SRRM4: variants seen among roughly 807,000 people sequenced by gnomAD.
The protein encoded by SRRM4 is serine/arginine repetitive matrix 4, also known as serine/arginine repetitive matrix protein 4.
In SRRM4, 33 loss-of-function variants were observed where a neutral mutation model predicts 68.9. That is an observed-to-expected ratio of 0.48 (90% CI 0.36 to 0.64). The LOEUF (loss-of-function observed/expected upper bound fraction) is 0.64. SRRM4 is among the 30% of genes least tolerant of loss of function. SRRM4 has a pLI of 0.00. For missense variants in SRRM4, 817 were observed against 827.1 expected (o/e 0.99, Z 0.15); for synonymous variants, 318 against 318.8 (o/e 1.00, Z 0.03).
chr12:119,053,849 T>C (rs1006506374), intron 1 of SRRM4, among the ~76,000 whole-genome samples: 40 of 152,226 alleles, frequency 2.6e-4, no homozygotes, highest in African/African-American at 9.4e-4. Flanking sequence ...GAGAATGCAG[T>C]ATCCATCCCC....
intron 8 of SRRM4, among the ~76,000 whole-genome samples, chr12:119,143,211 A>G (rs184643586): frequency 5.3e-5 from 8 of 152,322 alleles, no homozygotes; most frequent in Non-Finnish European, 8.8e-5. Flanking sequence ...CACAGTTCCA[A>G]TGTGTCTGTG....
chr12:119,116,773 A>T, intron 3 of SRRM4, 164 bp from the exon 4 acceptor site: 1 of 559,002 alleles, frequency 1.8e-6, no homozygotes, highest in East Asian at 2.9e-5. Flanking sequence ...GTGAGCAATT[A>T]AAAATTGCTT....
rs1185496603 is a variant in SRRM4 at position 119,160,277 on chromosome 12, G to GTCTCTCTCTCTCTC, written c.*3490_*3491insCTCTCTCTCTCTCT. On this transcript the variant is annotated 3_prime_UTR_variant, in exon 13 of 13. Transcript: ENST00000267260. Reference sequence around the variant, plus strand: ...TCTCTCTCTCTCTGTCTCTCTCTCTGTCTCTCTCTCTGTCTCTCTCTCTCT... The same window carrying GTCTCTCTCTCTCTC: ...TCTCTCTCTCTCTGTCTCTCTCTCTGTCTCTCTCTCTCTCTCTCTCTCTCTGTCTCTCTCTCTCT... The GTCTCTCTCTCTCTC allele has an allele frequency of 7.6e-6, 1 of 131,016 alleles. No individual in the cohort carries two copies. The highest frequency in any genetic ancestry group is 2.9e-5 in the African/African-American group (1 of 34,332). 8.1% of individuals were successfully genotyped at this position (131,016 alleles called of 1,614,324 possible).
chr12:119,113,925 G>A (rs1392287874), intron 2 of SRRM4, among the ~76,000 whole-genome samples: 3 of 152,170 alleles, frequency 2.0e-5, no homozygotes, highest in Non-Finnish European at 4.4e-5. Flanking sequence ...TATTGGGGAG[G>A]GAGGGGGCTG....
At chr12:119,107,887 G>C (rs539625720) in intron 2 of SRRM4, among the ~76,000 whole-genome samples, 2 of 152,090 alleles carry the variant, frequency 1.3e-5, no homozygotes, top group African/African-American at 2.4e-5. Flanking sequence ...TGCTTCTCTA[G>C]TTCTTTTAAT....
intron 1 of SRRM4, among the ~76,000 whole-genome samples, chr12:119,003,321 G>C (rs1953397420): frequency 6.6e-6 from 1 of 151,626 alleles, no homozygotes; most frequent in Non-Finnish European, 1.5e-5. Flanking sequence ...GAATAGCTGT[G>C]AGCCTTCACA....
At chr12:119,123,494 C>G (rs1454383057) in intron 6 of SRRM4, among the ~76,000 whole-genome samples, 3 of 96,666 alleles carry the variant, frequency 3.1e-5, no homozygotes, top group African/African-American at 1.1e-4. Flanking sequence ...ACCTCAACAG[C>G]GCTAGGAAGG....
intron 1 of SRRM4, among the ~76,000 whole-genome samples, chr12:119,029,148 C>A (rs973215762): frequency 7.2e-5 from 11 of 152,160 alleles, no homozygotes; most frequent in African/African-American, 2.7e-4. Context: ...CATCCCCATT[C>A]CCTCAAGGAA....
intron 8 of SRRM4, among the ~76,000 whole-genome samples, chr12:119,142,810 G>A (rs1380106820): frequency 6.6e-6 from 1 of 152,174 alleles, no homozygotes; most frequent in Non-Finnish European, 1.5e-5. Flanking sequence ...TCAGGGTCTA[G>A]TTGCCTGGCA....
chr12:119,047,724 A>C (rs984689117), intron 1 of SRRM4, among the ~76,000 whole-genome samples: 1 of 152,210 alleles, frequency 6.6e-6, no homozygotes, highest in Non-Finnish European at 1.5e-5. Context: ...TAGAAGTGCA[A>C]GAGAGGCAAG....
intron 1 of SRRM4, among the ~76,000 whole-genome samples, chr12:119,016,453 T>C (rs1292727916): frequency 6.8e-6 from 1 of 146,642 alleles, no homozygotes; most frequent in African/African-American, 2.5e-5. Flanking sequence ...TACGATGTAA[T>C]TAAAAAAAAA....
rs77722433 is a variant in SRRM4, at chr12:119,134,903, T to C, written c.771+4069T>C. On this transcript the variant is annotated intron_variant, in intron 8 of 12. Transcript: ENST00000267260. ...GCTTTGAAGGATGCATAGGAGTTCA[T>C]TGGGTTGCAATTGTTGATGGACAGA... 3.7e-3 allele frequency among the ~76,000 whole-genome samples: 560 copies of C among 152,282 alleles called. 1 individual carries two copies. Among genetic ancestry groups the C allele is most frequent in the Non-Finnish European group, 6.5e-3 (442 of 68,028 alleles).
intron 1 of SRRM4, among the ~76,000 whole-genome samples, chr12:119,063,872 G>C (rs1953829495): frequency 6.6e-6 from 1 of 152,174 alleles, no homozygotes; most frequent in Non-Finnish European, 1.5e-5. Flanking sequence ...GAAACAGAGA[G>C]AGATGGGGAA....
At chr12:119,056,759 G>A (rs1261013311) in intron 1 of SRRM4, among the ~76,000 whole-genome samples, 1 of 151,762 alleles carries the variant, frequency 6.6e-6, no homozygotes, top group African/African-American at 2.4e-5. Context: ...CCTCCCAGTT[G>A]CTCAACACTT....
chr12:119,075,917 A>G (rs62649118), intron 1 of SRRM4, among the ~76,000 whole-genome samples: 35 of 28,598 alleles, frequency 1.2e-3, no homozygotes, highest in South Asian at 3.4e-3. Flanking sequence ...GGTGATGATG[A>G]TGATGATGGT....
intron 1 of SRRM4, among the ~76,000 whole-genome samples, chr12:119,016,102 G>A (rs910885139): frequency 3.9e-5 from 6 of 152,156 alleles, no homozygotes; most frequent in Non-Finnish European, 8.8e-5. Flanking sequence ...GGAAGATGAA[G>A]GTGAAGGCAG....
intron 1 of SRRM4, chr12:118,989,818 G>A (rs1594016034): frequency 6.6e-6 from 1 of 152,188 alleles, no homozygotes; most frequent in South Asian, 2.1e-4. Context: ...AGATGCCGCT[G>A]TCGGACAGCT....
At chr12:119,050,397 A>G (rs1953735095) in intron 1 of SRRM4, among the ~76,000 whole-genome samples, 1 of 152,246 alleles carries the variant, frequency 6.6e-6, no homozygotes, top group South Asian at 2.1e-4. Flanking sequence ...TCTGCTTTCA[A>G]GGGCCTCTTG....
chr12:119,112,997 A>G (rs1044332478), intron 2 of SRRM4, among the ~76,000 whole-genome samples: 3 of 152,206 alleles, frequency 2.0e-5, no homozygotes, highest in African/African-American at 4.8e-5. Flanking sequence ...CAGCACATCA[A>G]AAGTTCCACA....
Sources: allele counts gnomAD v4.1 joint callset (sites outside exome capture counted in the v4.1 genomes callset), GRCh38; gene constraint gnomAD v4.1.1; transcripts MANE v1.5; gene names NCBI Gene and HGNC (gene_info 2026-07-23, HGNC 2026-07-21).